RYR2: variants seen among roughly 807,000 people sequenced by gnomAD.
RYR2 encodes cardiac muscle ryanodine receptor-calcium release channel.
A neutral mutation model predicts 601.1 loss-of-function variants in RYR2; 227 were observed. The ratio of observed to expected loss-of-function variants is 0.38; its 90% CI spans 0.34 to 0.42. The LOEUF (loss-of-function observed/expected upper bound fraction) is 0.42. Ranked by LOEUF, RYR2 falls within the 10% of genes least tolerant of loss-of-function variation. RYR2 has a pLI of 1.00. For missense variants in RYR2, 4,646 were observed against 6,156.5 expected, an observed-to-expected ratio of 0.75 and a Z score of 8.21; for synonymous variants, 2,223 against 2,175.1, an observed-to-expected ratio of 1.02 and a Z score of -0.61.
chr1:237,242,193 G>GTTTTTTTTT (rs1389322285), intron 1 of RYR2, among the ~76,000 whole-genome samples: 2 of 50,068 alleles, frequency 4.0e-5, no homozygotes, highest in African/African-American at 6.9e-5. Context: ...TTTGATCACT[G>GTTTTTTTTT]TTTTTTTTGT....
intron 56 of RYR2, among the ~76,000 whole-genome samples, chr1:237,662,197 A>G (rs189719887): frequency 4.1e-4 from 62 of 152,142 alleles, no homozygotes; most frequent in African/African-American, 1.1e-3. Flanking sequence ...TTTACATTCA[A>G]TTGTCTTTGG....
intron 2 of RYR2, among the ~76,000 whole-genome samples, chr1:237,315,598 A>G (rs1695031049): frequency 6.6e-6 from 1 of 152,224 alleles, no homozygotes; most frequent in South Asian, 2.1e-4. Context: ...AATGAAGAAT[A>G]TTTAACAAAA....
Position 237,456,325 on chromosome 1 carries a change from A to G in RYR2, c.1477-275A>G, listed in dbSNP as rs774568016. On this transcript the variant is annotated intron_variant, in intron 15 of 104. Transcript: ENST00000366574. ...TATGGTCACTTAACAATAGAAGGCCATAAGTATGAAGTACATATTTTTAGG... is the reference window on the plus strand; with the variant it reads ...TATGGTCACTTAACAATAGAAGGCCGTAAGTATGAAGTACATATTTTTAGG... Among the ~76,000 whole-genome samples the G allele has an allele frequency of 8.5e-4, 129 of 152,362 alleles. 1 individual carries two copies. The highest frequency in any genetic ancestry group is 6.8e-3 in the Middle Eastern group (2 of 294).
At chr1:237,707,938 A>ATTTT (rs57642607) in intron 68 of RYR2, among the ~76,000 whole-genome samples, 5 of 120,160 alleles carry the variant, frequency 4.2e-5, no homozygotes, top group Admixed American at 3.5e-4. Context: ...TGCCCAGCTA[A>ATTTT]TTTTTTTTTT....
At chr1:237,115,446 T>G (rs1669965162) in intron 1 of RYR2, among the ~76,000 whole-genome samples, 2 of 152,206 alleles carry the variant, frequency 1.3e-5, no homozygotes, top group Non-Finnish European at 2.9e-5. Flanking sequence ...CAGATCAGCT[T>G]GATTCCAACA....
At chr1:237,608,091 T>C (rs566111483) in intron 35 of RYR2, among the ~76,000 whole-genome samples, 1 of 152,316 alleles carries the variant, frequency 6.6e-6, no homozygotes, top group Admixed American at 6.5e-5. Flanking sequence ...AGAAATCAGT[T>C]GTAATTCATC....
intron 24 of RYR2, among the ~76,000 whole-genome samples, chr1:237,527,550 C>T (rs1667718654): frequency 6.6e-6 from 1 of 152,188 alleles, no homozygotes; most frequent in African/African-American, 2.4e-5. Context: ...TTCTCTGCCC[C>T]TCCCACACAG....
chr1:237,124,302 G>T (rs1671163205), intron 1 of RYR2, among the ~76,000 whole-genome samples: 1 of 152,164 alleles, frequency 6.6e-6, no homozygotes, highest in African/African-American at 2.4e-5. Context: ...GAGTGCGGGG[G>T]TCCCTTCTGT....
intron 29 of RYR2, among the ~76,000 whole-genome samples, chr1:237,579,254 T>C (rs13374533): frequency 2.7e-3 from 214 of 78,186 alleles, no homozygotes; most frequent in East Asian, 6.8e-3. Context: ...TCTTCTTTTT[T>C]TTTTTTTTTT....
intron 3 of RYR2, among the ~76,000 whole-genome samples, chr1:237,343,387 T>C (rs1698004308): frequency 6.6e-6 from 1 of 152,226 alleles, no homozygotes; most frequent in South Asian, 2.1e-4. Flanking sequence ...ATTTGTTCAC[T>C]CTATTGATAT....
intron 1 of RYR2, among the ~76,000 whole-genome samples, chr1:237,166,463 C>T (rs1290374705): frequency 1.3e-5 from 2 of 150,746 alleles, no homozygotes; most frequent in Non-Finnish European, 2.9e-5. Context: ...AAGCTGAAGT[C>T]TCTCAGGGCT....
intron 2 of RYR2, among the ~76,000 whole-genome samples, chr1:237,316,970 G>A (rs1362934599): frequency 6.6e-6 from 1 of 152,138 alleles, no homozygotes; most frequent in Non-Finnish European, 1.5e-5. Context: ...GTGGGTCACA[G>A]AAGGACTGGT....
intron 92 of RYR2, among the ~76,000 whole-genome samples, chr1:237,789,565 T>A (rs1369887158): frequency 6.6e-6 from 1 of 152,024 alleles, no homozygotes; most frequent in African/African-American, 2.4e-5. Flanking sequence ...CTATTATAGG[T>A]CATGGCTGCA....
chr1:237,478,765 A>C (rs1231630371), intron 17 of RYR2, among the ~76,000 whole-genome samples: 1 of 148,844 alleles, frequency 6.7e-6, no homozygotes, highest in Non-Finnish European at 1.5e-5. Flanking sequence ...GACAGCATGT[A>C]AGCCACCGAG....
At chr1:237,466,729 T>TA (rs1167208589) in intron 16 of RYR2, among the ~76,000 whole-genome samples, 1 of 152,098 alleles carries the variant, frequency 6.6e-6, no homozygotes, top group Non-Finnish European at 1.5e-5. Context: ...GCTTAGCAAT[T>TA]AAAGTGTTTA....
intron 66 of RYR2, among the ~76,000 whole-genome samples, chr1:237,703,802 A>G (rs1303217721): frequency 6.6e-6 from 1 of 151,732 alleles, no homozygotes; most frequent in African/African-American, 2.4e-5. Flanking sequence ...TCAAACATTT[A>G]TCCTCCTAGA....
intron 16 of RYR2, among the ~76,000 whole-genome samples, chr1:237,465,750 T>A (rs1243852344): frequency 6.6e-6 from 1 of 152,246 alleles, no homozygotes; most frequent in African/African-American, 2.4e-5. Context: ...CTGGGCTACA[T>A]AACCTATGGC....
intron 18 of RYR2, among the ~76,000 whole-genome samples, chr1:237,492,693 G>A (rs1663497599): frequency 6.6e-6 from 1 of 151,948 alleles, no homozygotes. Flanking sequence ...AAGAAAATTA[G>A]CCAGATGTGG....
At chr1:237,550,973 C>T (rs1559012829) in intron 27 of RYR2, among the ~76,000 whole-genome samples, 1 of 152,220 alleles carries the variant, frequency 6.6e-6, no homozygotes, top group South Asian at 2.1e-4. Flanking sequence ...ATATTGGGCT[C>T]CTCCCCTAGC....
Sources: gnomAD v4.1 joint callset for allele counts (sites outside exome capture counted in the v4.1 genomes callset) on GRCh38, gnomAD v4.1.1 for gene constraint, MANE v1.5 for transcripts, NCBI Gene and HGNC (gene_info 2026-07-23, HGNC 2026-07-21) for gene names.